The following UBE2H variants were observed in gnomAD, a reference collection of about 807,000 sequenced individuals.
UBE2H encodes the protein ubiquitin-conjugating enzyme E2 H.
Under a neutral mutation model 29.0 loss-of-function variants are expected in UBE2H, and 3 were observed. That is an observed-to-expected ratio of 0.10 (90% CI 0.05 to 0.27). The LOEUF is 0.27. Ranked by LOEUF, UBE2H falls within the 10% of genes least tolerant of loss-of-function variation. UBE2H has a pLI of 1.00. For synonymous variants in UBE2H, 69 were observed against 82.9 expected (o/e 0.83, Z 0.91); for missense variants, 68 against 228.2 (o/e 0.30, Z 4.52).
intron 1 of UBE2H, among the ~76,000 whole-genome samples, chr7:129,923,539 A>G (rs1807207390): frequency 6.6e-6 from 1 of 152,182 alleles, no homozygotes; most frequent in Non-Finnish European, 1.5e-5. Flanking sequence ...AATTTCCTCA[A>G]TAACATTTCC....
intron 3 of UBE2H, among the ~76,000 whole-genome samples, chr7:129,874,608 C>T (rs1425671200): frequency 6.6e-6 from 1 of 152,080 alleles, no homozygotes; most frequent in Non-Finnish European, 1.5e-5. Flanking sequence ...CACACCCGGC[C>T]CTGTATCTTT....
At chr7:129,931,948 CCAGTAA>C (rs779543111) in intron 1 of UBE2H, among the ~76,000 whole-genome samples, 23 of 151,522 alleles carry the variant, frequency 1.5e-4, no homozygotes, top group Non-Finnish European at 2.9e-4. Context: ...CTCAGCCTCC[CCAGTAA>C]CAGGGATTAC....
chr7:129,919,100 T>TAAAAAAAAAAA (rs1204331286), intron 1 of UBE2H, among the ~76,000 whole-genome samples: 6 of 72,120 alleles, frequency 8.3e-5, no homozygotes, highest in Non-Finnish European at 9.8e-5. Context: ...AAAAACAAAG[T>TAAAAAAAAAAA]AAAAAAAAAA....
intron 3 of UBE2H, among the ~76,000 whole-genome samples, chr7:129,872,872 A>T (rs1177395903): frequency 4.2e-5 from 6 of 144,080 alleles, no homozygotes; most frequent in African/African-American, 1.5e-4. Flanking sequence ...AAAAAAAAAA[A>T]GAATTATGGC....
chr7:129,839,116 G>T, intron 6 of UBE2H, 91 bp downstream of exon 6: 2 of 1,534,566 alleles, frequency 1.3e-6, no homozygotes, highest in African/African-American at 2.8e-5. Context: ...AAAAGTATTA[G>T]GAACTAAGTA....
chr7:129,835,527 C>T (rs930021284), intron 6 of UBE2H, among the ~76,000 whole-genome samples: 2 of 152,180 alleles, frequency 1.3e-5, no homozygotes, highest in Non-Finnish European at 2.9e-5. Context: ...TTAGTCTAAA[C>T]AGATCCTGCC....
chr7:129,856,656 A>G (rs551663659), intron 5 of UBE2H, among the ~76,000 whole-genome samples: 2 of 152,266 alleles, frequency 1.3e-5, no homozygotes, highest in African/African-American at 4.8e-5. Context: ...GGAAAAACAG[A>G]TTTATTTGTT....
chr7:129,931,259 G>A (rs1033522640), intron 1 of UBE2H, among the ~76,000 whole-genome samples: 1 of 150,382 alleles, frequency 6.6e-6, no homozygotes, highest in African/African-American at 2.5e-5. Flanking sequence ...GTGGTGGTAT[G>A]CGCCTGTAAT....
At chr7:129,921,680 A>G (rs1023431220) in intron 1 of UBE2H, among the ~76,000 whole-genome samples, 11 of 146,704 alleles carry the variant, frequency 7.5e-5, no homozygotes, top group Middle Eastern at 3.4e-3. Context: ...CCTGGGCAAC[A>G]AGAGACTCTG....
intron 1 of UBE2H, among the ~76,000 whole-genome samples, chr7:129,889,486 T>G (rs895560763): frequency 6.6e-6 from 1 of 152,224 alleles, no homozygotes; most frequent in African/African-American, 2.4e-5. Flanking sequence ...AATTTCTAAG[T>G]GTAAACAAAG....
intron 1 of UBE2H, among the ~76,000 whole-genome samples, chr7:129,928,766 T>C (rs1807324398): frequency 6.6e-6 from 1 of 152,044 alleles, no homozygotes. Flanking sequence ...CTGTATGCCA[T>C]AAATATGTCA....
intron 5 of UBE2H, among the ~76,000 whole-genome samples, chr7:129,849,596 TAATAAAAC>T (rs886652733): frequency 3.9e-5 from 6 of 152,032 alleles, no homozygotes; most frequent in Admixed American, 3.9e-4. Context: ...TAAAATAAAA[TAATAAAAC>T]AATTAATTTG....
intron 5 of UBE2H, among the ~76,000 whole-genome samples, chr7:129,854,069 T>TTTTTTTTTATTTTTTTTTTTA (rs1563022992): frequency 1.2e-4 from 18 of 149,516 alleles, no homozygotes; most frequent in East Asian, 7.8e-4. Context: ...AGTTTTTTTT[T>TTTTTTTTTATTTTTTTTTTTA]TTTTTTTTTT....
chr7:129,853,851 C>T (rs540868038), intron 5 of UBE2H, among the ~76,000 whole-genome samples: 1 of 152,066 alleles, frequency 6.6e-6, no homozygotes, highest in Non-Finnish European at 1.5e-5. Flanking sequence ...ATTGTTGTTA[C>T]GCTACAAATA....
intron 1 of UBE2H, among the ~76,000 whole-genome samples, chr7:129,927,526 C>A (rs1807295870): frequency 1.3e-5 from 2 of 152,064 alleles, no homozygotes; most frequent in Admixed American, 1.3e-4. Flanking sequence ...GCTGACAGAG[C>A]GAGACTCCGT....
intron 5 of UBE2H, among the ~76,000 whole-genome samples, chr7:129,848,836 C>CTTTTTTTTTTT (rs34279042): frequency 4.7e-5 from 6 of 128,748 alleles, no homozygotes; most frequent in Non-Finnish European, 8.1e-5. Flanking sequence ...AACCAGGTAG[C>CTTTTTTTTTTT]TTTTTTTTTT....
At chr7:129,949,622 C>T (rs1043016783) in intron 1 of UBE2H, among the ~76,000 whole-genome samples, 1 of 152,160 alleles carries the variant, frequency 6.6e-6, no homozygotes, top group Admixed American at 6.5e-5. Flanking sequence ...TGGGAGTCAG[C>T]TCTCCTACCA....
At chr7:129,936,452 G>A (rs1020381824) in intron 1 of UBE2H, among the ~76,000 whole-genome samples, 10 of 151,718 alleles carry the variant, frequency 6.6e-5, no homozygotes, top group Non-Finnish European at 1.0e-4. Flanking sequence ...AAATTAGCCG[G>A]GCGTAGTGGC....
intron 1 of UBE2H, among the ~76,000 whole-genome samples, chr7:129,901,961 G>A (rs1009525168): frequency 7.2e-5 from 11 of 152,190 alleles, no homozygotes; most frequent in South Asian, 2.1e-4. Flanking sequence ...GTGGGGGAGC[G>A]GGGGAGAGAG....
Sources: gnomAD v4.1 joint callset for allele counts (sites outside exome capture counted in the v4.1 genomes callset) on GRCh38, gnomAD v4.1.1 for gene constraint, MANE v1.5 for transcripts, NCBI Gene and HGNC (gene_info 2026-07-23, HGNC 2026-07-21) for gene names.